The following WDR70 variants were observed in gnomAD, a reference collection of about 807,000 sequenced individuals.
WDR70 encodes WD repeat domain 70.
A neutral mutation model predicts 88.6 loss-of-function variants in WDR70; 53 were observed. That is an observed-to-expected ratio of 0.60 (90% CI 0.48 to 0.75). The LOEUF is 0.75. Ranked by LOEUF, WDR70 falls within the 30% of genes least tolerant of loss-of-function variation. The probability of loss-of-function intolerance (pLI) is 0.00; values close to 1 mark genes in which losing one functional copy is unlikely to be tolerated. For missense variants in WDR70, 610 were observed against 823.2 expected, an observed-to-expected ratio of 0.74 and a Z score of 3.17; for synonymous variants, 280 against 270.0, an observed-to-expected ratio of 1.04 and a Z score of -0.36.
At position 37,721,148 on chromosome 5, in the gene WDR70, A is replaced by T. The variant is rs375947968; in HGVS notation, c.1450A>T (p.Asn484Tyr). ...TCGCTGCCTGTGGCATCCAAAGCTG[A>T]ACCAGATCATGGTTGGAACTGGAAA... Reference protein sequence around the residue: ...VVRCLWHPKLNQIMVGTGNGL... With the variant: ...VVRCLWHPKLYQIMVGTGNGL... Residue 484 changes from asparagine to tyrosine, a missense_variant, in exon 14 of 18, where the codon AAC (asparagine) becomes TAC (tyrosine). Physicochemically the swap from Asn to Tyr is moderately radical, Grantham distance 143. Around this residue, in one of 4 missense-constraint regions of WDR70, gnomAD observed 254 missense variants for 300.7 expected, o/e 0.84. Transcript: ENST00000265107. 1 of 1,613,746 alleles carries T rather than the reference A, an allele frequency of 6.2e-7. No homozygotes were observed. Among genetic ancestry groups the T allele is most frequent in the Non-Finnish European group, 8.5e-7 (1 of 1,179,762 alleles).
chr5:37,385,518 CAAAAAA>C (rs1160087859), intron 3 of WDR70, among the ~76,000 whole-genome samples: 8 of 67,862 alleles, frequency 1.2e-4, no homozygotes, highest in Admixed American at 2.2e-4. Flanking sequence ...GAGCCTGTCT[CAAAAAA>C]AAAAAAAAAA....
chr5:37,383,482 G>A (rs1387169975), intron 3 of WDR70, among the ~76,000 whole-genome samples: 4 of 152,006 alleles, frequency 2.6e-5, no homozygotes, highest in Non-Finnish European at 4.4e-5. Flanking sequence ...GGCTGGTCTC[G>A]GACTTGTGAC....
chr5:37,379,413 C>T (rs781684261), intron 1 of WDR70, 21 bp downstream of exon 1: 1 of 1,613,594 alleles, frequency 6.2e-7, no homozygotes, highest in Admixed American at 1.7e-5. Flanking sequence ...TGAGGCGAGT[C>T]CGGGCGGGGT....
chr5:37,605,020 C>G, intron 9 of WDR70, 44 bp from the exon 10 acceptor site: 1 of 1,334,216 alleles, frequency 7.5e-7, no homozygotes. Flanking sequence ...CCCCCTCCTT[C>G]TTTTTTTTTT....
chr5:37,382,007 AC>A (rs34348908), intron 3 of WDR70, among the ~76,000 whole-genome samples: 100,890 of 151,878 alleles, frequency 0.66, 38,744 homozygotes, highest in East Asian at 0.88. Flanking sequence ...GAGCTGATAT[AC>A]CCCCATTGCA....
chr5:37,646,454 T>C (rs1745242589), intron 10 of WDR70, among the ~76,000 whole-genome samples: 1 of 152,194 alleles, frequency 6.6e-6, no homozygotes, highest in Admixed American at 6.5e-5. Context: ...TACCTTTAGA[T>C]GATTTTGTAC....
At chr5:37,586,549 T>C (rs1581414710) in intron 9 of WDR70, among the ~76,000 whole-genome samples, 1 of 152,088 alleles carries the variant, frequency 6.6e-6, no homozygotes, top group African/African-American at 2.4e-5. Context: ...CCTAATGCTC[T>C]CCCTCCCCTA....
chr5:37,691,766 C>T (rs987280466), intron 10 of WDR70, among the ~76,000 whole-genome samples: 1 of 152,120 alleles, frequency 6.6e-6, no homozygotes, highest in Non-Finnish European at 1.5e-5. Flanking sequence ...CAGGAAAGAT[C>T]TAAAATTGAC....
chr5:37,539,702 CTTG>C lies in WDR70; in HGVS notation c.917+23118_917+23120del, dbSNP rs1435616404. Among the ~76,000 whole-genome samples the C allele has an allele frequency of 3.9e-5, 6 of 152,314 alleles. 1 individual carries two copies. The East Asian group carries it at 9.6e-4, about 24-fold the overall frequency. On this transcript the variant is annotated intron_variant, in intron 9 of 17. Coordinates refer to ENST00000265107, the MANE Select transcript of WDR70 (RefSeq NM_018034.4). ...CCCAATAATGGAATGTTCAGGGTCC[CTTG>C]TTGTTTGAGGCGTCTTACCATTCTA...
chr5:37,416,182 C>G (rs543592490), intron 5 of WDR70, among the ~76,000 whole-genome samples: 53 of 152,244 alleles, frequency 3.5e-4, no homozygotes, highest in African/African-American at 1.1e-3. Flanking sequence ...GAGGTTGTAG[C>G]GAGCCGAGAT....
At chr5:37,631,770 G>A (rs953163416) in intron 10 of WDR70, among the ~76,000 whole-genome samples, 7 of 152,178 alleles carry the variant, frequency 4.6e-5, no homozygotes, top group Non-Finnish European at 7.4e-5. Flanking sequence ...GACTCTAGAG[G>A]GCTCATTTTC....
chr5:37,536,162 A>T (rs1054030462), intron 9 of WDR70, among the ~76,000 whole-genome samples: 1 of 152,168 alleles, frequency 6.6e-6, no homozygotes, highest in Non-Finnish European at 1.5e-5. Context: ...GTATAAGTAG[A>T]CTGGGTTTCA....
intron 10 of WDR70, among the ~76,000 whole-genome samples, chr5:37,668,529 T>A (rs1477075491): frequency 6.6e-6 from 1 of 152,230 alleles, no homozygotes; most frequent in Admixed American, 6.5e-5. Flanking sequence ...AACTAGGGTT[T>A]ATAAGAAGAG....
intron 5 of WDR70, among the ~76,000 whole-genome samples, chr5:37,406,398 A>T (rs1749353580): frequency 6.6e-6 from 1 of 152,332 alleles, no homozygotes; most frequent in Admixed American, 6.5e-5. Flanking sequence ...CTGGACTAGT[A>T]TAGTAGAAAA....
At chr5:37,389,383 C>G (rs1748738958) in intron 3 of WDR70, among the ~76,000 whole-genome samples, 1 of 151,546 alleles carries the variant, frequency 6.6e-6, no homozygotes. Context: ...TGTGAACCAT[C>G]ACGCCCGGCT....
Position 37,412,260 on chromosome 5 carries a change from G to A in WDR70, c.492+15690G>A, listed in dbSNP as rs575715616. Among the ~76,000 whole-genome samples the A allele has an allele frequency of 1.5e-3, 223 of 152,010 alleles. 1 individual carries two copies. Among genetic ancestry groups the A allele is most frequent in the African/African-American group, 5.2e-3 (216 of 41,464 alleles). On this transcript the variant is annotated intron_variant, in intron 5 of 17. Coordinates refer to ENST00000265107, the MANE Select transcript of WDR70 (RefSeq NM_018034.4). ...AAATTATCTGGGCGTGGTGGAGCAC[G>A]CCTGTAATCCCAGCTACTCGGGAAG...
Position 37,632,966 on chromosome 5 carries a change from TG to T in WDR70, c.1092+27729del, listed in dbSNP as rs1334809691. 1.5e-4 allele frequency among the ~76,000 whole-genome samples: 23 copies of T among 152,326 alleles called. No homozygotes were observed. The East Asian group carries it at 4.2e-3, about 28-fold the overall frequency. Reference sequence around the variant, plus strand: ...TACCATGTCTTTACTATACCTTTTCTGTGTGTAGATATGTTTAGATACACAA... The same window carrying T: ...TACCATGTCTTTACTATACCTTTTCTTGTGTAGATATGTTTAGATACACAA... On this transcript the variant is annotated intron_variant, in intron 10 of 17. Transcript: ENST00000265107.
chr5:37,592,868 A>AT (rs1376030133), intron 9 of WDR70, among the ~76,000 whole-genome samples: 1 of 152,232 alleles, frequency 6.6e-6, no homozygotes, highest in Non-Finnish European at 1.5e-5. Context: ...TATATAGAAA[A>AT]TTTCTGCCAG....
At chr5:37,583,599 C>T (rs554887654) in intron 9 of WDR70, among the ~76,000 whole-genome samples, 30 of 108,930 alleles carry the variant, frequency 2.8e-4, no homozygotes, top group Admixed American at 8.0e-4. Context: ...GACTATGACA[C>T]GCAGTCATAG....
Sources: allele counts gnomAD v4.1 joint callset (sites outside exome capture counted in the v4.1 genomes callset), GRCh38; gene constraint gnomAD v4.1.1; regional missense constraint gnomAD v4.1.1; transcripts MANE v1.5; gene names NCBI Gene and HGNC (gene_info 2026-07-23, HGNC 2026-07-21).